ASS1: variants seen among roughly 807,000 people sequenced by gnomAD.
The protein encoded by ASS1 is argininosuccinate synthase.
In ASS1, 58 loss-of-function variants were observed where a neutral mutation model predicts 60.5. That is an observed-to-expected ratio of 0.96 (90% CI 0.78 to 1.19). ASS1 has a LOEUF of 1.19. Among genes scored for constraint, ASS1 ranks in the 50% most tolerant of loss-of-function variants. The pLI is 0.00. For missense variants in ASS1, 454 were observed against 547.3 expected (o/e 0.83, Z 1.70); for synonymous variants, 200 against 206.9 (o/e 0.97, Z 0.29).
intron 11 of ASS1, among the ~76,000 whole-genome samples, chr9:130,483,436 G>T (rs1846218164): frequency 6.6e-6 from 1 of 152,006 alleles, no homozygotes. Flanking sequence ...GTCAGGGACA[G>T]GGGGCTGGGG....
At chr9:130,472,437 C>T (rs1056887563) in intron 8 of ASS1, among the ~76,000 whole-genome samples, 1 of 152,104 alleles carries the variant, frequency 6.6e-6, no homozygotes, top group African/African-American at 2.4e-5. Flanking sequence ...GTCTGGGGAG[C>T]GGGCCGGGGG....
Position 130,459,457 on chromosome 9 carries a change from AG to A in ASS1, c.363+869del, listed in dbSNP as rs1469591782. On this transcript the variant is annotated intron_variant, in intron 4 of 14. Coordinates refer to ENST00000352480, the MANE Select transcript of ASS1 (RefSeq NM_054012.4). The surrounding 1 kb of genome is among the most constrained non-coding windows in gnomAD (Gnocchi z 4.6). ...GTGTGTGTGTGGGGGAGAGGGACAA[AG>A]TCTCACTCTGACGCCCAGGCTGGAG... Among the ~76,000 whole-genome samples the A allele has an allele frequency of 2.6e-5, 4 of 151,994 alleles. No homozygotes were observed. The highest frequency in any genetic ancestry group is 5.9e-5 in the Non-Finnish European group (4 of 68,018).
At chr9:130,454,432 G>A (rs1161546680) in intron 3 of ASS1, 59 bp downstream of exon 3, 1 of 1,529,416 alleles carries the variant, frequency 6.5e-7, no homozygotes, top group Non-Finnish European at 9.0e-7. Flanking sequence ...GGAGGGCAGT[G>A]GTGGATGCTC....
At chr9:130,463,962 C>A in intron 4 of ASS1, 149 bp from the exon 5 acceptor site, 1 of 805,924 alleles carries the variant, frequency 1.2e-6, no homozygotes, top group South Asian at 1.5e-5. Context: ...CATGCCCACA[C>A]ATACACGACC....
Position 130,477,042 on chromosome 9 carries a change from G to A in ASS1, c.688+81G>A. On this transcript the variant is annotated intron_variant, in intron 9 of 14. Transcript: ENST00000352480. This position sits in a 1 kb window ranked among gnomAD's most constrained non-coding sequence, Gnocchi z 4.2. ...TTTCCCCTCCCTGCCTGGGAACCTA[G>A]GCCCTCTTTACCCCCGCCCTGCATT... 6.9e-7 allele frequency: 1 copy of A among 1,454,340 alleles called. No homozygotes were observed. The highest frequency in any genetic ancestry group is 9.6e-7 in the Non-Finnish European group (1 of 1,038,826). The allele number at this position is 1,454,340 out of a possible 1,614,324, so 90.1% of individuals were successfully genotyped here. A position where few individuals can be genotyped will look rare whatever the true frequency, so the allele number is the denominator to read the frequency against.
chr9:130,446,868 G>A (rs892817541), intron 1 of ASS1, among the ~76,000 whole-genome samples: 1 of 152,202 alleles, frequency 6.6e-6, no homozygotes, highest in Non-Finnish European at 1.5e-5. Context: ...CTGGAATTCA[G>A]AGTCTAAGGC....
At chr9:130,492,412 A>G (rs914124394) in intron 12 of ASS1, among the ~76,000 whole-genome samples, 2 of 152,062 alleles carry the variant, frequency 1.3e-5, no homozygotes, top group African/African-American at 2.4e-5. Context: ...GGCACAGGGA[A>G]GCCCTCCTGC....
rs1255723221 is a variant in ASS1, at chr9:130,489,969, G to A, written c.970+505G>A. 6.6e-6 allele frequency among the ~76,000 whole-genome samples: 1 copy of A among 152,228 alleles called. No individual in the cohort carries two copies. The highest frequency in any genetic ancestry group is 1.5e-5 in the Non-Finnish European group (1 of 68,044). On this transcript the variant is annotated intron_variant, in intron 12 of 14. Transcript: ENST00000352480. The surrounding 1 kb of genome is among the most constrained non-coding windows in gnomAD (Gnocchi z 4.1). ...CCTACTCCATGAACTTGAGGGAGAG[G>A]CTCCCTGGACCAGGAACTCAGCCCC...
chr9:130,448,430 A>G (rs918388066), intron 1 of ASS1, among the ~76,000 whole-genome samples: 17 of 151,786 alleles, frequency 1.1e-4, no homozygotes, highest in Admixed American at 6.6e-4. Flanking sequence ...GCGCACACAC[A>G]CACACACACA....
chr9:130,469,642 C>T (rs550219568), intron 6 of ASS1, among the ~76,000 whole-genome samples: 1 of 152,280 alleles, frequency 6.6e-6, no homozygotes, highest in African/African-American at 2.4e-5. Context: ...GAACTCCTGA[C>T]CTCAAGTGAG....
intron 1 of ASS1, among the ~76,000 whole-genome samples, chr9:130,450,774 G>A (rs1246556197): frequency 6.6e-6 from 1 of 152,252 alleles, no homozygotes; most frequent in African/African-American, 2.4e-5. Context: ...GCTCAGGATA[G>A]CGATGCCTGC....
chr9:130,463,007 G>A (rs1188198564), intron 4 of ASS1, among the ~76,000 whole-genome samples: 2 of 152,226 alleles, frequency 1.3e-5, no homozygotes, highest in Non-Finnish European at 1.5e-5. Flanking sequence ...CATAGTAGGT[G>A]CTCACTAAAG....
chr9:130,469,311 T>C (rs1431659613), intron 6 of ASS1, among the ~76,000 whole-genome samples: 1 of 152,226 alleles, frequency 6.6e-6, no homozygotes, highest in African/African-American at 2.4e-5. Flanking sequence ...TGTTTTGTTT[T>C]TTTAAATTTC....
Position 130,494,748 on chromosome 9 carries a change from G to A in ASS1, c.971-119G>A, listed in dbSNP as rs531034924. 19 of 1,317,238 alleles carry A rather than the reference G, an allele frequency of 1.4e-5. No individual in the cohort carries two copies. The highest frequency in any genetic ancestry group is 2.5e-4 in the Middle Eastern group (1 of 4,016). The allele number at this position is 1,317,238 out of a possible 1,614,324, so 81.6% of individuals were successfully genotyped here. On this transcript the variant is annotated intron_variant, in intron 12 of 14. Coordinates refer to ENST00000352480, the MANE Select transcript of ASS1 (RefSeq NM_054012.4). This position sits in a 1 kb window ranked among gnomAD's most constrained non-coding sequence, Gnocchi z 4.3. ...CGCACATTGTGCCAGTCTCGCGGGA[G>A]GCAGTCATGGTCTGCATGGCGGGGT...
chr9:130,458,618 G>GGGA lies in ASS1; in HGVS notation c.363+31_363+33dup, dbSNP rs776838018. 1.9e-6 allele frequency: 3 copies of GGGA among 1,605,286 alleles called. No homozygotes were observed. In the East Asian group the frequency reaches 6.7e-5, roughly 36 times the overall value. Reference sequence around the variant, plus strand: ...AGGCACCTGGGAAGGGCCGGGCAGAGGGAGATGGAGGCGGAGGGGTGTGGG... The same window carrying GGGA: ...AGGCACCTGGGAAGGGCCGGGCAGAGGGAGGAGATGGAGGCGGAGGGGTGTGGG... On this transcript the variant is annotated intron_variant, in intron 4 of 14. Transcript: ENST00000352480.
In ASS1 at chr9:130,459,778, G is replaced by A. The variant is rs1471790543; in HGVS notation, c.363+1189G>A. Among the ~76,000 whole-genome samples, 1 of 152,190 alleles carries A rather than the reference G, an allele frequency of 6.6e-6. No individual in the cohort carries two copies. Among genetic ancestry groups the A allele is most frequent in the Non-Finnish European group, 1.5e-5 (1 of 68,024 alleles). The stretch of plus-strand genomic sequence containing the variant: ...TTAAGACCACATGAGGCCACATTCG[G>A]AGGGACTGGGGTTAGGACTTGAACC... On this transcript the variant is annotated intron_variant, in intron 4 of 14. Transcript: ENST00000352480. The surrounding 1 kb of genome is among the most constrained non-coding windows in gnomAD (Gnocchi z 4.6).
Position 130,479,932 on chromosome 9 carries a change from G to A in ASS1, c.773+132G>A, listed in dbSNP as rs369264946. On this transcript the variant is annotated intron_variant, in intron 10 of 14. Coordinates refer to ENST00000352480, the MANE Select transcript of ASS1 (RefSeq NM_054012.4). ...GCACAGGCCATGTCCCTTCCCCATA[G>A]CCACAGAGTTTCCCGGACCAGGGGG... 54 of 1,081,726 alleles carry A rather than the reference G, an allele frequency of 5.0e-5. No homozygotes were observed. The African/African-American group carries it at 7.3e-4, about 15-fold the overall frequency. The allele number at this position is 1,081,726 out of a possible 1,614,324, so 67.0% of individuals were successfully genotyped here.
rs1006796722 is a variant in ASS1 at position 130,489,079 on chromosome 9, G to A, written c.839-254G>A. On this transcript the variant is annotated intron_variant, in intron 11 of 14. Transcript: ENST00000352480. This position sits in a 1 kb window ranked among gnomAD's most constrained non-coding sequence, Gnocchi z 4.1. The stretch of plus-strand genomic sequence containing the variant: ...CTCCGAAACCCTGTCATTTTCTAGC[G>A]TCTGAGGGCCCCTTCAAAGGGGGCA... Among the ~76,000 whole-genome samples, 5 of 152,220 alleles carry A rather than the reference G, an allele frequency of 3.3e-5. No homozygotes were observed. Among genetic ancestry groups the A allele is most frequent in the African/African-American group, 7.2e-5 (3 of 41,550 alleles).
At chr9:130,463,844 G>T (rs571033910) in intron 4 of ASS1, among the ~76,000 whole-genome samples, 201 of 152,228 alleles carry the variant, frequency 1.3e-3, no homozygotes, top group Non-Finnish European at 1.9e-3. Context: ...CCAGTGGCTG[G>T]GCCTCCAGCT....
Sources: allele counts gnomAD v4.1 joint callset (sites outside exome capture counted in the v4.1 genomes callset), GRCh38; gene constraint gnomAD v4.1.1; non-coding constraint Gnocchi (gnomAD v3.1); transcripts MANE v1.5; gene names NCBI Gene and HGNC (gene_info 2026-07-23, HGNC 2026-07-21).